Variants in GINS1 observed in about 807,000 individuals in gnomAD.
GINS1 encodes GINS complex subunit 1.
GINS1 carries 26 observed loss-of-function variants against 34.9 expected under a neutral mutation model. The observed-to-expected ratio is 0.74, with a 90% confidence interval of 0.55 to 1.03. GINS1 has a LOEUF of 1.03. GINS1 is among the 50% of genes least tolerant of loss of function. GINS1 has a pLI of 0.00. For missense variants in GINS1, 235 were observed against 237.9 expected, an observed-to-expected ratio of 0.99 and a Z score of 0.08; for synonymous variants, 97 against 84.4, an observed-to-expected ratio of 1.15 and a Z score of -0.82.
In GINS1 at chr20:25,437,285, C is replaced by G. The variant is rs568106514; in HGVS notation, c.448-4417C>G. On this transcript the variant is annotated intron_variant, in intron 5 of 6. Coordinates refer to ENST00000262460, the MANE Select transcript of GINS1 (RefSeq NM_021067.5). ...TGACAAAAATGTCTGCCAGCCTCAT[C>G]ATTTGCACCTCTGTGATCAGAAACA... Among the ~76,000 whole-genome samples the G allele has an allele frequency of 3.3e-5, 5 of 152,368 alleles. No individual in the cohort carries two copies. The South Asian group carries it at 8.3e-4, about 25-fold the overall frequency.
intron 1 of GINS1, among the ~76,000 whole-genome samples, chr20:25,411,712 G>A (rs1195560156): frequency 1.3e-5 from 2 of 152,108 alleles, no homozygotes; most frequent in African/African-American, 2.4e-5. Flanking sequence ...GGAGGCTGAG[G>A]TGGGTGGATT....
In GINS1 at chr20:25,448,527, G is replaced by A. The variant is rs2090525109; in HGVS notation, c.*2536G>A. The A allele has an allele frequency of 6.6e-6, 1 of 152,200 alleles. No homozygotes were observed. The highest frequency in any genetic ancestry group is 2.1e-4 in the South Asian group (1 of 4,830). The allele number at this position is 152,200 out of a possible 1,614,324, so 9.4% of individuals were successfully genotyped here. A position where few individuals can be genotyped will look rare whatever the true frequency, so the allele number is the denominator to read the frequency against. On this transcript the variant is annotated 3_prime_UTR_variant, in exon 7 of 7. Transcript: ENST00000262460. ...TTGTAAATTACATCAACAGTCATGT[G>A]TTCTATGAATAAAGAGTTTTACTCC...
intron 5 of GINS1, among the ~76,000 whole-genome samples, chr20:25,426,227 A>G (rs1307037379): frequency 6.6e-6 from 1 of 152,102 alleles, no homozygotes; most frequent in Non-Finnish European, 1.5e-5. Context: ...TTAGCGTAAT[A>G]TCTTCAGGGT....
intron 1 of GINS1, among the ~76,000 whole-genome samples, chr20:25,411,889 G>A (rs2090287441): frequency 6.6e-6 from 1 of 151,632 alleles, no homozygotes; most frequent in African/African-American, 2.4e-5. Context: ...GTTGCAGTGA[G>A]CCAAGATTGC....
chr20:25,435,594 C>G (rs1362468635), intron 5 of GINS1, among the ~76,000 whole-genome samples: 1 of 151,718 alleles, frequency 6.6e-6, no homozygotes, highest in Non-Finnish European at 1.5e-5. Context: ...CCCATCTCTA[C>G]TAAAAATACA....
At chr20:25,440,683 C>T (rs1356030598) in intron 5 of GINS1, among the ~76,000 whole-genome samples, 2 of 151,486 alleles carry the variant, frequency 1.3e-5, no homozygotes, top group Non-Finnish European at 2.9e-5. Flanking sequence ...TGGTGGTGAG[C>T]GCCTGTAATC....
chr20:25,434,050 G>T (rs1379039837), intron 5 of GINS1, among the ~76,000 whole-genome samples: 2 of 151,978 alleles, frequency 1.3e-5, no homozygotes, highest in Non-Finnish European at 2.9e-5. Context: ...TTGGGAGTCC[G>T]AGGTGGGTGG....
At chr20:25,440,393 A>G (rs971747982) in intron 5 of GINS1, among the ~76,000 whole-genome samples, 1 of 152,232 alleles carries the variant, frequency 6.6e-6, no homozygotes, top group African/African-American at 2.4e-5. Context: ...TTTGCTTCAG[A>G]ATAACCCACA....
intron 5 of GINS1, among the ~76,000 whole-genome samples, chr20:25,436,210 C>A (rs1370701754): frequency 2.6e-5 from 4 of 152,128 alleles, no homozygotes. Context: ...ACCTTGGCCT[C>A]CCAAAATGCT....
chr20:25,414,138 T>C (rs929274409), intron 2 of GINS1, among the ~76,000 whole-genome samples: 5 of 130,234 alleles, frequency 3.8e-5, no homozygotes, highest in Non-Finnish European at 6.1e-5. Context: ...TGCAGTGAGC[T>C]GAGATTGCAC....
chr20:25,412,038 G>A (rs548433382), intron 1 of GINS1, among the ~76,000 whole-genome samples: 64 of 152,066 alleles, frequency 4.2e-4, no homozygotes, highest in East Asian at 3.5e-3. Context: ...AACCTGGGAG[G>A]CAGAGGTTGC....
intron 5 of GINS1, 86 bp from the exon 6 acceptor site, chr20:25,441,616 G>C: frequency 1.4e-6 from 1 of 699,808 alleles, no homozygotes; most frequent in South Asian, 1.8e-5. Flanking sequence ...CTTATTGTCT[G>C]TGTATTTGTA....
intron 5 of GINS1, among the ~76,000 whole-genome samples, chr20:25,439,179 A>G (rs1046724119): frequency 6.6e-6 from 1 of 152,200 alleles, no homozygotes; most frequent in Admixed American, 6.6e-5. Context: ...ACTTGGGCCC[A>G]CTGATTAATC....
intron 4 of GINS1, among the ~76,000 whole-genome samples, chr20:25,421,291 T>C (rs564917433): frequency 1.3e-5 from 2 of 152,204 alleles, no homozygotes; most frequent in Non-Finnish European, 2.9e-5. Context: ...ACTTTATTAC[T>C]GGGAGTGATG....
intron 6 of GINS1, among the ~76,000 whole-genome samples, chr20:25,443,982 A>ATCTATCTATCTG (rs1346533777): frequency 7.5e-6 from 1 of 132,566 alleles, no homozygotes; most frequent in Non-Finnish European, 1.7e-5. Context: ...GGAAACATTT[A>ATCTATCTATCTG]TCTATCTATC....
At chr20:25,433,944 T>C (rs1364847638) in intron 5 of GINS1, among the ~76,000 whole-genome samples, 1 of 152,136 alleles carries the variant, frequency 6.6e-6, no homozygotes, top group African/African-American at 2.4e-5. Flanking sequence ...TTTAGACTAA[T>C]CAATGTTTTT....
chr20:25,410,082 C>T (rs2090273963), intron 1 of GINS1, among the ~76,000 whole-genome samples: 2 of 152,188 alleles, frequency 1.3e-5, no homozygotes, highest in Non-Finnish European at 2.9e-5. Flanking sequence ...TGGCTCACGC[C>T]TGTAATCCCC....
chr20:25,441,630 T>C, intron 5 of GINS1, 72 bp from the exon 6 acceptor site: 1 of 743,308 alleles, frequency 1.3e-6, no homozygotes, highest in Non-Finnish European at 2.4e-6. Context: ...ATTTGTATAA[T>C]GCTGATTTAT....
At chr20:25,440,776 A>C (rs1339500968) in intron 5 of GINS1, among the ~76,000 whole-genome samples, 2 of 143,862 alleles carry the variant, frequency 1.4e-5, no homozygotes, top group Non-Finnish European at 3.0e-5. Flanking sequence ...ACACCACTGC[A>C]CTCTGGCCTG....
Sources: gnomAD v4.1 joint callset for allele counts (sites outside exome capture counted in the v4.1 genomes callset) on GRCh38, gnomAD v4.1.1 for gene constraint, MANE v1.5 for transcripts, NCBI Gene and HGNC (gene_info 2026-07-23, HGNC 2026-07-21) for gene names.